ADGRV1: variants seen among roughly 807,000 people sequenced by gnomAD.
The protein encoded by ADGRV1 is adhesion G protein-coupled receptor V1, also known as G-protein coupled receptor 98.
In ADGRV1, 359 loss-of-function variants were observed where a neutral mutation model predicts 596.2. The observed-to-expected ratio is 0.60, with a 90% CI of 0.55 to 0.66. The LOEUF (loss-of-function observed/expected upper bound fraction) is 0.66, where lower values mean the gene tolerates loss of function less well. ADGRV1 is among the 30% of genes least tolerant of loss of function. ADGRV1 has a pLI of 0.00. For missense variants in ADGRV1, 7,274 were observed against 7,575.6 expected, an observed-to-expected ratio of 0.96 and a Z score of 1.48; for synonymous variants, 2,681 against 2,679.2, an observed-to-expected ratio of 1.00 and a Z score of -0.02.
intron 74 of ADGRV1, among the ~76,000 whole-genome samples, chr5:90,815,259 A>T (rs1762786158): frequency 6.6e-6 from 1 of 152,206 alleles, no homozygotes; most frequent in Non-Finnish European, 1.5e-5. Context: ...ATAAAAGTTG[A>T]TGCTCTAGTA....
intron 62 of ADGRV1, 57 bp downstream of exon 62, chr5:90,778,100 CAT>C (rs1487594257): frequency 1.3e-6 from 2 of 1,504,760 alleles, no homozygotes; most frequent in East Asian, 2.5e-5. Context: ...GGTGTGTGCA[CAT>C]GTGTGAGCAT....
intron 20 of ADGRV1, chr5:90,654,428 A>G: frequency 5.4e-6 from 1 of 186,402 alleles, no homozygotes; most frequent in Non-Finnish European, 1.1e-5. Flanking sequence ...GAGAAGAATC[A>G]CAGTGAAAAG....
chr5:90,589,483 A>G (rs1759197907), intron 1 of ADGRV1, among the ~76,000 whole-genome samples: 2 of 152,234 alleles, frequency 1.3e-5, no homozygotes, highest in Admixed American at 6.5e-5. Flanking sequence ...AAAGTGTGGA[A>G]TGGAAGAAAA....
chr5:91,090,413 T>A (rs963034345), intron 86 of ADGRV1, among the ~76,000 whole-genome samples: 5 of 150,936 alleles, frequency 3.3e-5, no homozygotes, highest in Admixed American at 2.0e-4. Flanking sequence ...GCTTGTACCA[T>A]TTTTTTTTCA....
At chr5:91,007,328 G>A (rs1167276925) in intron 85 of ADGRV1, among the ~76,000 whole-genome samples, 1 of 152,090 alleles carries the variant, frequency 6.6e-6, no homozygotes, top group African/African-American at 2.4e-5. Context: ...AATACAAAAT[G>A]TTTTTTAACA....
intron 87 of ADGRV1, among the ~76,000 whole-genome samples, chr5:91,139,586 T>A (rs141113852): frequency 6.6e-6 from 1 of 152,352 alleles, no homozygotes; most frequent in East Asian, 1.9e-4. Flanking sequence ...TTGTGTGCTA[T>A]ATAGTCTTTT....
chr5:90,624,165 A>G (rs929488921), intron 5 of ADGRV1, among the ~76,000 whole-genome samples: 2 of 152,218 alleles, frequency 1.3e-5, no homozygotes, highest in African/African-American at 4.8e-5. Context: ...CACAGAACAT[A>G]GAATAGCAGA....
At chr5:90,971,502 C>G (rs1303929491) in intron 84 of ADGRV1, among the ~76,000 whole-genome samples, 2 of 152,224 alleles carry the variant, frequency 1.3e-5, no homozygotes, top group Non-Finnish European at 2.9e-5. Context: ...CAGCAGATCT[C>G]TCCGCAGAAA....
chr5:90,719,089 C>T (rs1568308), intron 43 of ADGRV1, among the ~76,000 whole-genome samples: 48,229 of 151,802 alleles, frequency 0.32, 8,162 homozygotes, highest in Admixed American at 0.48. Flanking sequence ...TGTAATCTTC[C>T]GGGGGCTAGG....
intron 76 of ADGRV1, chr5:90,825,911 C>T (rs1404872149): frequency 2.0e-5 from 3 of 152,076 alleles, no homozygotes; most frequent in Non-Finnish European, 4.4e-5. Context: ...ATATTCAAAT[C>T]GTAGAGTTTT....
At chr5:90,663,033 C>T (rs1367743611) in intron 21 of ADGRV1, among the ~76,000 whole-genome samples, 1 of 148,534 alleles carries the variant, frequency 6.7e-6, no homozygotes, top group Non-Finnish European at 1.5e-5. Context: ...TGGGTTGGTT[C>T]CAAGTCTTTG....
chr5:90,880,465 A>G (rs1176718884), intron 83 of ADGRV1, among the ~76,000 whole-genome samples: 1 of 152,232 alleles, frequency 6.6e-6, no homozygotes, highest in Non-Finnish European at 1.5e-5. Context: ...AGTGACACAC[A>G]TTGGGTTTAA....
In ADGRV1 at chr5:90,779,030, G is replaced by A; in HGVS notation, c.13015G>A (p.Asp4339Asn). ...MRKSLHVEIL[D>N]DDYPEGPEEF... ...GAAAAGTCTGCATGTTGAAATCCTT[G>A]ATGATGACTATCCTGAAGGCCCAGA... Residue 4339 changes from aspartate (D) to asparagine (N), a missense_variant, in exon 64 of 90, where the codon GAT becomes AAT. Asp to Asn is a conservative substitution (Grantham distance 23). This residue lies in a region of ADGRV1 where 3,643 missense variants were observed against 3,809.2 expected (regional missense o/e 0.96). Transcript: ENST00000405460. The A allele has an allele frequency of 6.2e-7, 1 of 1,613,340 alleles. No individual in the cohort carries two copies. Among genetic ancestry groups the A allele is most frequent in the Non-Finnish European group, 8.5e-7 (1 of 1,179,476 alleles).
chr5:90,917,801 T>A (rs1240346058), intron 83 of ADGRV1, among the ~76,000 whole-genome samples: 4 of 152,164 alleles, frequency 2.6e-5, no homozygotes, highest in African/African-American at 9.7e-5. Flanking sequence ...TCTGAGTTTT[T>A]ATTGTTCTCT....
At chr5:90,999,595 G>C (rs1781699336) in intron 85 of ADGRV1, among the ~76,000 whole-genome samples, 1 of 152,042 alleles carries the variant, frequency 6.6e-6, no homozygotes, top group African/African-American at 2.4e-5. Context: ...ATATTCATGA[G>C]ATCACATTTC....
In ADGRV1 at chr5:90,689,856, T is replaced by C. The variant is rs1298676499; in HGVS notation, c.6491-5T>C. 1 of 1,605,620 alleles carries C rather than the reference T, an allele frequency of 6.2e-7. No homozygotes were observed. The highest frequency in any genetic ancestry group is 2.2e-5 in the East Asian group (1 of 44,796). On this transcript the variant is annotated splice_polypyrimidine_tract_variant and splice_region_variant and intron_variant, in intron 29 of 89. Coordinates refer to ENST00000405460, the MANE Select transcript of ADGRV1 (RefSeq NM_032119.4). ...GTCTTAACATTTTACTTTTGGTCTT[T>C]TCAGGTGAAGATTATAGTATAGCTT... is the stretch of plus-strand genomic sequence containing the variant.
Position 90,647,454 on chromosome 5 carries a change from G to A in ADGRV1, c.3023-44G>A, listed in dbSNP as rs755710258. On this transcript the variant is annotated intron_variant, in intron 16 of 89. Coordinates refer to ENST00000405460, the MANE Select transcript of ADGRV1 (RefSeq NM_032119.4). ...ACAATGTGATCTGAAAATATGTGAT[G>A]GAATCAGAAAAGCTCATGTGTTCTT... 3.8e-6 allele frequency: 6 copies of A among 1,563,714 alleles called. No individual in the cohort carries two copies. In the African/African-American group the frequency reaches 6.8e-5, roughly 18 times the overall value.
chr5:90,776,692 A>G (rs1442657688), intron 61 of ADGRV1, 116 bp downstream of exon 61: 20 of 1,145,432 alleles, frequency 1.7e-5, no homozygotes, highest in Non-Finnish European at 2.4e-5. Context: ...TTAACATTCT[A>G]TATACTGTTA....
At chr5:90,628,975 A>G (rs544788770) in intron 8 of ADGRV1, 143 bp downstream of exon 8, 6 of 779,402 alleles carry the variant, frequency 7.7e-6, no homozygotes, top group African/African-American at 7.0e-5. Context: ...TTTCTTACTC[A>G]GTATTCCTTC....
Sources: gnomAD v4.1 joint callset for allele counts (sites outside exome capture counted in the v4.1 genomes callset) on GRCh38, gnomAD v4.1.1 for gene constraint, gnomAD v4.1.1 regional missense constraint, MANE v1.5 for transcripts, NCBI Gene and HGNC (gene_info 2026-07-23, HGNC 2026-07-21) for gene names.